The following SNED1 variants were observed in gnomAD, a reference collection of about 807,000 sequenced individuals.
SNED1 encodes sushi, nidogen and EGF like domains 1, also known as sushi, nidogen and EGF-like domain-containing protein 1.
SNED1 carries 81 observed loss-of-function variants against 166.7 expected under a neutral mutation model. The observed-to-expected ratio is 0.49, with a 90% CI of 0.41 to 0.58. The LOEUF (loss-of-function observed/expected upper bound fraction) is 0.58. Among genes scored for constraint, SNED1 ranks in the 20% least tolerant of loss-of-function variants. The pLI, the probability that SNED1 is intolerant of heterozygous loss-of-function variation, is 0.00. For synonymous variants in SNED1, 762 were observed against 822.0 expected (o/e 0.93, Z 1.25); for missense variants, 1,604 against 2,000.2 (o/e 0.80, Z 3.78).
At chr2:241,056,153 T>C (rs997530707) in intron 16 of SNED1, among the ~76,000 whole-genome samples, 1 of 151,842 alleles carries the variant, frequency 6.6e-6, no homozygotes, top group Non-Finnish European at 1.5e-5. Flanking sequence ...CCATGAAAAA[T>C]TTTCTTTATG....
chr2:241,036,710 A>C, intron 4 of SNED1, 80 bp from the exon 5 acceptor site: 3 of 1,567,368 alleles, frequency 1.9e-6, no homozygotes, highest in Non-Finnish European at 2.6e-6. Flanking sequence ...AGGGGAGGGA[A>C]GGGAGATGCG....
intron 21 of SNED1, among the ~76,000 whole-genome samples, chr2:241,067,539 C>CTCTGCAGCCGTCATGCTCACAGCGGGT (rs1439424219): frequency 1.3e-5 from 2 of 152,202 alleles, no homozygotes; most frequent in African/African-American, 4.8e-5. Flanking sequence ...CCACAGCGGG[C>CTCTGCAGCCGTCATGCTCACAGCGGGT]TCTGCAGCCG....
Position 241,030,474 on chromosome 2 carries a change from G to T in SNED1, c.404G>T (p.Arg135Met). 6.2e-7 allele frequency: 1 copy of T among 1,613,944 alleles called. No individual in the cohort carries two copies. Among genetic ancestry groups the T allele is most frequent in the Non-Finnish European group, 8.5e-7 (1 of 1,179,888 alleles). ...CTGCGCCGAGCCACGGAGGACGTCA[G>T]GCACTACTTCCCCGAGCTCCTGGAC... ...AMLRRATEDV[R>M]HYFPELLDFN... The change falls in exon 2 of 32, where the codon AGG becomes ATG. Residue 135 changes from arginine to methionine, a missense_variant. This residue lies in a region of SNED1 where 1,237 missense variants were observed against 1,620.8 expected (regional missense o/e 0.76). Transcript: ENST00000310397.
chr2:241,020,087 T>C (rs1310025236), intron 1 of SNED1, among the ~76,000 whole-genome samples: 1 of 152,168 alleles, frequency 6.6e-6, no homozygotes, highest in African/African-American at 2.4e-5. Context: ...CTTAATACTT[T>C]TAAAGGGCTG....
At chr2:241,019,506 C>T (rs1192943931) in intron 1 of SNED1, among the ~76,000 whole-genome samples, 1 of 152,076 alleles carries the variant, frequency 6.6e-6, no homozygotes, top group African/African-American at 2.4e-5. Flanking sequence ...GGCAGGCGTG[C>T]CCCACAGTGA....
intron 31 of SNED1, chr2:241,090,178 CCTT>C: frequency 6.8e-7 from 1 of 1,463,276 alleles, no homozygotes; most frequent in East Asian, 2.5e-5. Context: ...TGTTTTCTGT[CCTT>C]AGTGCTTTTC....
intron 24 of SNED1, 127 bp from the exon 25 acceptor site, chr2:241,071,449 C>A: frequency 1.8e-6 from 2 of 1,118,270 alleles, no homozygotes; most frequent in Non-Finnish European, 2.6e-6. Flanking sequence ...GACCACGGCC[C>A]ACGCACATGC....
At position 241,071,646 on chromosome 2, in the gene SNED1, G is replaced by T; in HGVS notation, c.3660G>T (p.Pro1220=). The part of the protein sequence containing the change: ...GHHPRVLKNR[P]PPARLPELRL... ...ACCCTCGGGTGCTCAAGAACAGACC[G>T]CCCCCGGCGCGCCTGCCGGAGCTGC... is the stretch of plus-strand genomic sequence containing the variant. The change falls in exon 25 of 32, where the codon CCG becomes CCT. Residue 1220 remains proline (P), a synonymous_variant. Transcript: ENST00000310397. The T allele has an allele frequency of 6.4e-7, 1 of 1,573,734 alleles. No individual in the cohort carries two copies. The highest frequency in any genetic ancestry group is 8.6e-7 in the Non-Finnish European group (1 of 1,167,112).
chr2:241,080,283 C>T lies in SNED1; in HGVS notation c.3917-1394C>T, dbSNP rs56987892. Among the ~76,000 whole-genome samples, 1,439 of 152,112 alleles carry T rather than the reference C, an allele frequency of 9.5e-3. 16 individuals carry two copies. The highest frequency in any genetic ancestry group is 0.034 in the Middle Eastern group (10 of 294). ...TGGGCAACAGAGCAAGACTCCATCT[C>T]AAAATAAATAAATAAAATCTTGTTT... On this transcript the variant is annotated intron_variant, in intron 27 of 31. Transcript: ENST00000310397.
rs182102404 is a variant in SNED1 at position 241,093,975 on chromosome 2, T to C, written c.*2339T>C. ...ATGAAACCGGGATGGACTGATCATC[T>C]AACCAAGTGCAGACTGAGGATTCTA... On this transcript the variant is annotated 3_prime_UTR_variant, in exon 32 of 32. Coordinates refer to ENST00000310397, the MANE Select transcript of SNED1 (RefSeq NM_001080437.3). 197 of 195,464 alleles carry C rather than the reference T, an allele frequency of 1.0e-3. No individual in the cohort carries two copies. The highest frequency in any genetic ancestry group is 4.3e-3 in the African/African-American group (182 of 42,310). The allele number at this position is 195,464 out of a possible 1,614,324, so 12.1% of individuals were successfully genotyped here.
rs1304428031 is a variant in SNED1, at chr2:241,081,747, C to T, written c.3987C>T (p.His1329=). ...GGTCVPGADA[H]SCDCGPGFKG... ...CTTGTGTGCCGGGCGCAGACGCCCA[C>T]AGCTGTGACTGCGGGCCAGGGTTCA... The change falls in exon 28 of 32, where the codon CAC becomes CAT. Residue 1329 remains histidine, a synonymous_variant. Transcript: ENST00000310397. 1.2e-6 allele frequency: 2 copies of T among 1,607,690 alleles called. No individual in the cohort carries two copies. Among genetic ancestry groups the T allele is most frequent in the South Asian group, 2.2e-5 (2 of 89,626 alleles).
At chr2:241,067,620 T>G in intron 21 of SNED1, 144 bp from the exon 22 acceptor site, 1 of 602,656 alleles carries the variant, frequency 1.7e-6, no homozygotes, top group South Asian at 2.8e-5. Context: ...TCAGCCCGAG[T>G]TCCCTGAGCA....
intron 1 of SNED1, among the ~76,000 whole-genome samples, chr2:241,012,409 C>T (rs571628074): frequency 5.2e-5 from 8 of 152,390 alleles, no homozygotes; most frequent in Admixed American, 1.3e-4. Context: ...CACCCTGCAT[C>T]GCCACCCCAG....
intron 2 of SNED1, 57 bp from the exon 3 acceptor site, chr2:241,033,678 G>A (rs1337183995): frequency 2.6e-6 from 4 of 1,557,882 alleles, no homozygotes; most frequent in South Asian, 1.2e-5. Context: ...GGACAGGGCA[G>A]GGCTTCCCTG....
intron 21 of SNED1, 116 bp downstream of exon 21, chr2:241,065,711 G>C: frequency 1.1e-6 from 1 of 898,436 alleles, no homozygotes; most frequent in Non-Finnish European, 1.7e-6. Flanking sequence ...TCTTGCAGCA[G>C]CAAGACAGAC....
At chr2:241,089,274 G>C (rs1363604185) in intron 31 of SNED1, 1 of 1,545,540 alleles carries the variant, frequency 6.5e-7, no homozygotes. Context: ...CCTTATAGGA[G>C]CCCTCACAGT....
At chr2:241,015,429 T>C (rs762988847) in intron 1 of SNED1, among the ~76,000 whole-genome samples, 1 of 152,240 alleles carries the variant, frequency 6.6e-6, no homozygotes, top group East Asian at 1.9e-4. Flanking sequence ...AGAACTATAA[T>C]TGATTTTTTA....
Position 241,052,415 on chromosome 2 carries a change from C to A in SNED1, c.2030C>A (p.Thr677Lys). ...VNGGTCEDRD[T>K]DFFCHCQAGY... ...GGGGGCACCTGCGAGGACCGGGACA[C>A]GGATTTCTTCTGCCACTGCCAAGCA... Residue 677 changes from threonine (T) to lysine (K), a missense_variant, in exon 15 of 32, where the codon ACG becomes AAG. By Grantham distance (78) the Thr-to-Lys change is moderately conservative. Around this residue, in one of 2 missense-constraint regions of SNED1, gnomAD observed 1,237 missense variants for 1,620.8 expected, o/e 0.76. Coordinates refer to ENST00000310397, the MANE Select transcript of SNED1 (RefSeq NM_001080437.3). 1 of 1,605,950 alleles carries A rather than the reference C, an allele frequency of 6.2e-7. No homozygotes were observed. Among genetic ancestry groups the A allele is most frequent in the Non-Finnish European group, 8.5e-7 (1 of 1,175,996 alleles).
chr2:241,008,920 G>T (rs1004243860), intron 1 of SNED1, among the ~76,000 whole-genome samples: 1 of 152,260 alleles, frequency 6.6e-6, no homozygotes, highest in Non-Finnish European at 1.5e-5. Context: ...GGTCAGGCAC[G>T]GCCTCTTGGG....
Sources: gnomAD v4.1 joint callset for allele counts (sites outside exome capture counted in the v4.1 genomes callset) on GRCh38, gnomAD v4.1.1 for gene constraint, gnomAD v4.1.1 regional missense constraint, MANE v1.5 for transcripts, NCBI Gene and HGNC (gene_info 2026-07-23, HGNC 2026-07-21) for gene names.